CSMD1: variants seen among roughly 807,000 people sequenced by gnomAD.
The protein encoded by CSMD1 is CUB and sushi domain-containing protein 1.
Under a neutral mutation model 417.5 loss-of-function variants are expected in CSMD1, and 213 were observed. The ratio of observed to expected loss-of-function variants is 0.51; its 90% CI spans 0.46 to 0.57. CSMD1 has a LOEUF of 0.57. Ranked by LOEUF, CSMD1 falls within the 20% of genes least tolerant of loss-of-function variation. CSMD1 has a pLI of 0.00. For missense variants in CSMD1, 6,923 were observed against 4,529.7 expected (o/e 1.53, Z -15.17); for synonymous variants, 2,862 against 1,736.8 (o/e 1.65, Z -16.11).
chr8:4,366,346 C>A (rs952934313), intron 3 of CSMD1, among the ~76,000 whole-genome samples: 5 of 152,016 alleles, frequency 3.3e-5, no homozygotes, highest in African/African-American at 1.2e-4. Flanking sequence ...AACATCGTGG[C>A]TGATTCCACG....
chr8:4,503,741 T>C (rs1802378851), intron 2 of CSMD1, among the ~76,000 whole-genome samples: 1 of 151,936 alleles, frequency 6.6e-6, no homozygotes, highest in South Asian at 2.1e-4. Flanking sequence ...AATGGGGAGA[T>C]TCGGGAAGCT....
At chr8:4,323,755 C>A (rs527541507) in intron 3 of CSMD1, among the ~76,000 whole-genome samples, 1 of 61,008 alleles carries the variant, frequency 1.6e-5, no homozygotes, top group Non-Finnish European at 5.4e-5. Context: ...CTCAAATATC[C>A]CCCCCTTCCC....
intron 7 of CSMD1, among the ~76,000 whole-genome samples, chr8:3,656,829 G>A (rs184263092): frequency 3.9e-5 from 6 of 152,122 alleles, no homozygotes; most frequent in Admixed American, 3.3e-4. Context: ...GGAGGCTGAG[G>A]CAGATGAATA....
intron 7 of CSMD1, among the ~76,000 whole-genome samples, chr8:3,626,849 A>C (rs955925620): frequency 6.7e-6 from 1 of 149,574 alleles, no homozygotes; most frequent in Non-Finnish European, 1.5e-5. Flanking sequence ...ATATACAATA[A>C]ATAAGTGTAT....
intron 3 of CSMD1, among the ~76,000 whole-genome samples, chr8:4,274,163 T>G (rs961359901): frequency 6.6e-6 from 1 of 152,172 alleles, no homozygotes; most frequent in African/African-American, 2.4e-5. Flanking sequence ...ATGTATTTTT[T>G]TGCAAAGTTA....
chr8:3,994,002 G>C (rs532383711), intron 5 of CSMD1, among the ~76,000 whole-genome samples: 29 of 152,260 alleles, frequency 1.9e-4, no homozygotes, highest in Middle Eastern at 3.4e-3. Flanking sequence ...CAAGGGGATG[G>C]GCGTGCCTGG....
intron 1 of CSMD1, among the ~76,000 whole-genome samples, chr8:4,698,598 A>T (rs906424123): frequency 2.5e-3 from 368 of 145,938 alleles, no homozygotes; most frequent in Non-Finnish European, 3.8e-3. Context: ...AATGATAGAA[A>T]TTTTTTTTTT....
At chr8:4,601,002 G>T (rs1222294506) in intron 2 of CSMD1, among the ~76,000 whole-genome samples, 1 of 149,732 alleles carries the variant, frequency 6.7e-6, no homozygotes, top group Non-Finnish European at 1.5e-5. Context: ...CGTCACCCAG[G>T]CTGGAGTGCA....
intron 12 of CSMD1, among the ~76,000 whole-genome samples, chr8:3,421,395 T>G (rs961447796): frequency 5.3e-5 from 8 of 152,168 alleles, no homozygotes; most frequent in Non-Finnish European, 7.3e-5. Context: ...CAAATGCAAA[T>G]GAGAGTTACT....
intron 3 of CSMD1, among the ~76,000 whole-genome samples, chr8:4,272,501 T>G (rs1055857038): frequency 5.9e-5 from 9 of 152,138 alleles, no homozygotes; most frequent in African/African-American, 2.2e-4. Context: ...ATCACAGTAT[T>G]TCAAAAAATA....
chr8:3,024,652 T>C (rs80095438), intron 51 of CSMD1, among the ~76,000 whole-genome samples: 2,343 of 152,236 alleles, frequency 0.015, 21 homozygotes, highest in East Asian at 0.038. Context: ...TTCTTTTGGG[T>C]GAGTAAAGTT....
intron 1 of CSMD1, among the ~76,000 whole-genome samples, chr8:4,793,755 C>T (rs576947528): frequency 2.0e-5 from 3 of 148,828 alleles, no homozygotes; most frequent in South Asian, 2.2e-4. Flanking sequence ...TGTGGACATT[C>T]GTTTTACCAT....
intron 3 of CSMD1, among the ~76,000 whole-genome samples, chr8:4,219,065 G>A (rs149767400): frequency 7.4e-4 from 113 of 152,180 alleles, no homozygotes; most frequent in African/African-American, 1.7e-3. Context: ...GAGGTACACC[G>A]TCTACTCTAT....
intron 2 of CSMD1, among the ~76,000 whole-genome samples, chr8:4,507,158 G>A (rs965079982): frequency 2.0e-5 from 3 of 151,876 alleles, no homozygotes; most frequent in Admixed American, 1.3e-4. Context: ...CCATATTTCT[G>A]AAAGTTTACT....
At chr8:3,154,018 C>G (rs6993014) in intron 39 of CSMD1, among the ~76,000 whole-genome samples, 42,870 of 152,144 alleles carry the variant, frequency 0.28, 8,273 homozygotes, top group African/African-American at 0.55. Context: ...CCAGGCTGGA[C>G]TGCAGTGGTG....
At chr8:4,632,731 G>T (rs759347382) in intron 2 of CSMD1, among the ~76,000 whole-genome samples, 1 of 152,178 alleles carries the variant, frequency 6.6e-6, no homozygotes, top group African/African-American at 2.4e-5. Flanking sequence ...TGTTACAGGA[G>T]TTCATGCACA....
intron 2 of CSMD1, among the ~76,000 whole-genome samples, chr8:4,588,055 G>C (rs570743951): frequency 6.4e-4 from 97 of 152,200 alleles, no homozygotes; most frequent in African/African-American, 2.2e-3. Context: ...AAAGGAGCAA[G>C]GTAAAGCAAA....
intron 5 of CSMD1, among the ~76,000 whole-genome samples, chr8:3,881,528 T>A (rs1806202429): frequency 1.4e-5 from 2 of 147,266 alleles, no homozygotes; most frequent in Admixed American, 1.4e-4. Context: ...TCTCAGCTAC[T>A]CAGGAGGCTG....
At chr8:3,250,049 C>T (rs1208499533) in intron 26 of CSMD1, among the ~76,000 whole-genome samples, 2 of 152,128 alleles carry the variant, frequency 1.3e-5, no homozygotes, top group African/African-American at 4.8e-5. Flanking sequence ...TGACCAAGTA[C>T]ATATTTTTGT....
Sources: gnomAD v4.1 joint callset for allele counts (sites outside exome capture counted in the v4.1 genomes callset) on GRCh38, gnomAD v4.1.1 for gene constraint, MANE v1.5 for transcripts, NCBI Gene and HGNC (gene_info 2026-07-23, HGNC 2026-07-21) for gene names.